Variants in YPEL2 observed in about 807,000 individuals in gnomAD.
The protein encoded by YPEL2 is protein yippee-like 2.
YPEL2 carries 2 observed loss-of-function variants against 19.1 expected under a neutral mutation model. The ratio of observed to expected loss-of-function variants is 0.10; its 90% CI spans 0.04 to 0.33. The LOEUF (loss-of-function observed/expected upper bound fraction) is 0.33. Ranked by LOEUF, YPEL2 falls within the 10% of genes least tolerant of loss-of-function variation. The pLI is 1.00. For synonymous variants in YPEL2, 52 were observed against 50.0 expected, an observed-to-expected ratio of 1.04 and a Z score of -0.17; for missense variants, 66 against 140.7, an observed-to-expected ratio of 0.47 and a Z score of 2.68.
At chr17:59,369,330 T>C (rs537837567) in intron 2 of YPEL2, among the ~76,000 whole-genome samples, 3 of 152,340 alleles carry the variant, frequency 2.0e-5, no homozygotes, top group African/African-American at 7.2e-5. Flanking sequence ...TGGGGATTCT[T>C]GGACAGTGAT....
In YPEL2 at chr17:59,388,386, TGGTACATTCCTTGTGG is replaced by T. The variant is rs1189732490; in HGVS notation, c.161+23_161+38del. The T allele has an allele frequency of 6.8e-6, 11 of 1,613,438 alleles. No homozygotes were observed. The highest frequency in any genetic ancestry group is 1.3e-5 in the African/African-American group (1 of 74,914). ...TTAACTCAGTGTGAGTGCCTCTGAA[TGGTACATTCCTTGTGG>T]GGTACAGATTCGAGGGATGGGAAAA... On this transcript the variant is annotated intron_variant, in intron 3 of 4. Coordinates refer to ENST00000312655, the MANE Select transcript of YPEL2 (RefSeq NM_001005404.4).
chr17:59,387,271 A>C (rs1033631618), intron 2 of YPEL2, among the ~76,000 whole-genome samples: 1 of 151,822 alleles, frequency 6.6e-6, no homozygotes, highest in African/African-American at 2.4e-5. Context: ...AAAAAAAAAA[A>C]AAAAAAAAAG....
chr17:59,393,496 T>C (rs1482102230), intron 4 of YPEL2, among the ~76,000 whole-genome samples: 2 of 149,940 alleles, frequency 1.3e-5, no homozygotes, highest in Non-Finnish European at 3.0e-5. Context: ...TTTATTTTAT[T>C]TTTTATTTTT....
chr17:59,386,756 A>G (rs1406838000), intron 2 of YPEL2, among the ~76,000 whole-genome samples: 1 of 152,152 alleles, frequency 6.6e-6, no homozygotes, highest in Non-Finnish European at 1.5e-5. Flanking sequence ...TTTGACACTC[A>G]TAGCTGCTCA....
In YPEL2 at chr17:59,353,675, G is replaced by A. The variant is rs1362642194; in HGVS notation, c.117+149G>A. ...CCACGTGACCGTCTCACTCAACTGA[G>A]AAAAACTCTGAGTTGGAGGGACAGA... On this transcript the variant is annotated intron_variant, in intron 2 of 4. Coordinates refer to ENST00000312655, the MANE Select transcript of YPEL2 (RefSeq NM_001005404.4). This position sits in a 1 kb window ranked among gnomAD's most constrained non-coding sequence, Gnocchi z 4.8. 1 of 711,804 alleles carries A rather than the reference G, an allele frequency of 1.4e-6. No individual in the cohort carries two copies. The highest frequency in any genetic ancestry group is 1.4e-5 in the South Asian group (1 of 69,578). The allele number at this position is 711,804 out of a possible 1,614,324, so 44.1% of individuals were successfully genotyped here.
At chr17:59,349,731 G>T (rs1336012199) in intron 1 of YPEL2, among the ~76,000 whole-genome samples, 1 of 151,916 alleles carries the variant, frequency 6.6e-6, no homozygotes, top group Admixed American at 6.6e-5. Context: ...CACGATCTCG[G>T]CTCACTGCAA....
At chr17:59,333,156 C>T (rs2047680601) in intron 1 of YPEL2, among the ~76,000 whole-genome samples, 1 of 152,220 alleles carries the variant, frequency 6.6e-6, no homozygotes, top group South Asian at 2.1e-4. Flanking sequence ...GTCTTGCCTC[C>T]GGTGAGGAAC....
In YPEL2 at chr17:59,388,119, C is replaced by G. The variant is rs928732955; in HGVS notation, c.118-208C>G. On this transcript the variant is annotated intron_variant, in intron 2 of 4. Transcript: ENST00000312655. Reference sequence around the variant, plus strand: ...CTCACCTGGGCTAGTGAAAACAGTCCGGTGGGCCAGATCGAGCTTTGTGGC... The same window carrying G: ...CTCACCTGGGCTAGTGAAAACAGTCGGGTGGGCCAGATCGAGCTTTGTGGC... 1.3e-5 allele frequency among the ~76,000 whole-genome samples: 2 copies of G among 152,104 alleles called. 1 individual carries two copies. The highest frequency in any genetic ancestry group is 4.1e-4 in the South Asian group (2 of 4,828).
chr17:59,374,429 A>G (rs1038596650), intron 2 of YPEL2, among the ~76,000 whole-genome samples: 3 of 151,960 alleles, frequency 2.0e-5, no homozygotes, highest in African/African-American at 7.2e-5. Context: ...ACATAACTCT[A>G]CTCTTGAATC....
chr17:59,339,615 C>G (rs1297211143), intron 1 of YPEL2, among the ~76,000 whole-genome samples: 1 of 152,104 alleles, frequency 6.6e-6, no homozygotes, highest in Non-Finnish European at 1.5e-5. Context: ...GCTTGAAGCT[C>G]TGGAAGGAAT....
chr17:59,391,140 A>G (rs1000767325), intron 4 of YPEL2, among the ~76,000 whole-genome samples: 3 of 152,110 alleles, frequency 2.0e-5, no homozygotes, highest in African/African-American at 4.8e-5. Flanking sequence ...TGGGAAGGCA[A>G]TTTAGTCCAT....
chr17:59,388,440 T>C, intron 3 of YPEL2, 70 bp downstream of exon 3: 1 of 1,499,692 alleles, frequency 6.7e-7, no homozygotes, highest in Non-Finnish European at 9.3e-7. Context: ...CAATCCTTGG[T>C]GATAATTAAA....
At chr17:59,369,803 C>G (rs58287933) in intron 2 of YPEL2, among the ~76,000 whole-genome samples, 3,456 of 152,286 alleles carry the variant, frequency 0.023, 114 homozygotes, top group East Asian at 0.12. Context: ...TTTGACTGAC[C>G]TTTATTTGAA....
At chr17:59,361,994 G>A (rs2047843467) in intron 2 of YPEL2, among the ~76,000 whole-genome samples, 2 of 152,238 alleles carry the variant, frequency 1.3e-5, no homozygotes, top group African/African-American at 4.8e-5. Flanking sequence ...CATTAAAGGT[G>A]TAGGTAGAAG....
chr17:59,349,366 T>C (rs188424290), intron 1 of YPEL2, among the ~76,000 whole-genome samples: 4,966 of 145,108 alleles, frequency 0.034, 147 homozygotes, highest in South Asian at 0.098. Flanking sequence ...TTCTTTTTTT[T>C]TTTTTTTTTT....
At chr17:59,381,049 T>G (rs995789239) in intron 2 of YPEL2, among the ~76,000 whole-genome samples, 17 of 152,348 alleles carry the variant, frequency 1.1e-4, no homozygotes, top group African/African-American at 4.1e-4. Context: ...GACTTTTTAC[T>G]TTGTGCTTCA....
chr17:59,382,960 A>T (rs964369447), intron 2 of YPEL2, among the ~76,000 whole-genome samples: 9 of 152,188 alleles, frequency 5.9e-5, no homozygotes, highest in African/African-American at 1.9e-4. Context: ...GTGTTCTTAC[A>T]ATATTTCGGA....
intron 4 of YPEL2, among the ~76,000 whole-genome samples, chr17:59,390,001 T>G (rs182095990): frequency 7.5e-4 from 114 of 152,170 alleles, no homozygotes; most frequent in African/African-American, 2.6e-3. Flanking sequence ...GCAAATTTAT[T>G]TTATTTTATT....
At chr17:59,382,939 A>G (rs889960260) in intron 2 of YPEL2, among the ~76,000 whole-genome samples, 1 of 152,172 alleles carries the variant, frequency 6.6e-6, no homozygotes, top group Admixed American at 6.5e-5. Context: ...CATCACGCCT[A>G]GCACTGAAAA....
Sources: allele counts gnomAD v4.1 joint callset (sites outside exome capture counted in the v4.1 genomes callset), GRCh38; gene constraint gnomAD v4.1.1; non-coding constraint Gnocchi (gnomAD v3.1); transcripts MANE v1.5; gene names NCBI Gene and HGNC (gene_info 2026-07-23, HGNC 2026-07-21).